Variants in USP49 observed in about 807,000 individuals in gnomAD.
USP49 encodes ubiquitin carboxyl-terminal hydrolase 49.
In USP49, 24 loss-of-function variants were observed where a neutral mutation model predicts 58.6. The ratio of observed to expected loss-of-function variants is 0.41; its 90% CI spans 0.30 to 0.58. The LOEUF (loss-of-function observed/expected upper bound fraction) is 0.58, where lower values mean the gene tolerates loss of function less well. USP49 is among the 20% of genes least tolerant of loss of function. The pLI is 0.30. For synonymous variants in USP49, 408 were observed against 365.1 expected (o/e 1.12, Z -1.34); for missense variants, 703 against 866.1 (o/e 0.81, Z 2.36).
chr6:41,839,913 A>G (rs992152638), intron 3 of USP49, among the ~76,000 whole-genome samples: 2 of 152,118 alleles, frequency 1.3e-5, no homozygotes, highest in African/African-American at 4.8e-5. Flanking sequence ...TGATGGGTGC[A>G]CCAAAATCTC....
At chr6:41,852,257 G>A (rs780274473) in intron 3 of USP49, among the ~76,000 whole-genome samples, 3 of 151,424 alleles carry the variant, frequency 2.0e-5, no homozygotes, top group East Asian at 2.0e-4. Flanking sequence ...CCCAGGAGGC[G>A]GAGGTTGCAG....
At chr6:41,831,942 T>G (rs1003779645) in intron 3 of USP49, among the ~76,000 whole-genome samples, 3 of 152,228 alleles carry the variant, frequency 2.0e-5, no homozygotes, top group Non-Finnish European at 1.5e-5. Context: ...CTTCCTCTTC[T>G]GTACTAACCC....
At chr6:41,853,458 T>A (rs1774066079) in intron 3 of USP49, among the ~76,000 whole-genome samples, 1 of 152,174 alleles carries the variant, frequency 6.6e-6, no homozygotes, top group Non-Finnish European at 1.5e-5. Flanking sequence ...TTTAGAACTG[T>A]TTCACAGCAA....
intron 3 of USP49, among the ~76,000 whole-genome samples, chr6:41,834,536 G>C (rs1397726458): frequency 6.6e-6 from 1 of 152,142 alleles, no homozygotes; most frequent in Non-Finnish European, 1.5e-5. Context: ...GGTGGGAGGT[G>C]ACTGGATCAA....
chr6:41,802,468 ATTTTTT>A (rs1773034065), intron 5 of USP49, among the ~76,000 whole-genome samples: 1 of 73,928 alleles, frequency 1.4e-5, no homozygotes, highest in African/African-American at 5.5e-5. Flanking sequence ...TTATTTATTT[ATTTTTT>A]ATTTATTTTT....
intron 2 of USP49, among the ~76,000 whole-genome samples, chr6:41,873,311 T>C (rs1774447892): frequency 6.6e-6 from 1 of 152,216 alleles, no homozygotes; most frequent in South Asian, 2.1e-4. Context: ...AATCTGCAAA[T>C]GCCCTGTGTG....
intron 2 of USP49, among the ~76,000 whole-genome samples, chr6:41,876,527 C>T (rs776058876): frequency 3.9e-5 from 6 of 152,110 alleles, no homozygotes; most frequent in Non-Finnish European, 8.8e-5. Flanking sequence ...AGTGATTCTG[C>T]CTCAGCCTTC....
intron 7 of USP49, among the ~76,000 whole-genome samples, chr6:41,797,182 G>A (rs559665952): frequency 1.7e-4 from 26 of 152,122 alleles, no homozygotes; most frequent in African/African-American, 6.0e-4. Flanking sequence ...GGATGGTCTC[G>A]ACCTCCTGAC....
chr6:41,824,296 CTA>C (rs1773500355), intron 3 of USP49, among the ~76,000 whole-genome samples: 1 of 152,014 alleles, frequency 6.6e-6, no homozygotes, highest in South Asian at 2.1e-4. Flanking sequence ...AGAAAAATCA[CTA>C]TCTTTTTAAA....
At chr6:41,856,938 C>T (rs1036399289) in intron 3 of USP49, among the ~76,000 whole-genome samples, 4 of 152,156 alleles carry the variant, frequency 2.6e-5, no homozygotes, top group African/African-American at 9.7e-5. Flanking sequence ...ATAGGGTTCA[C>T]TACTGTCCCG....
At chr6:41,867,698 G>C (rs1295911083) in intron 3 of USP49, among the ~76,000 whole-genome samples, 1 of 151,930 alleles carries the variant, frequency 6.6e-6, no homozygotes, top group Non-Finnish European at 1.5e-5. Flanking sequence ...CTTGCAGTGA[G>C]CCGAGATCAC....
At chr6:41,842,188 A>G (rs1012059325) in intron 3 of USP49, among the ~76,000 whole-genome samples, 1 of 151,896 alleles carries the variant, frequency 6.6e-6, no homozygotes, top group Non-Finnish European at 1.5e-5. Flanking sequence ...TGGTTCAAAA[A>G]TAATTATGTG....
At chr6:41,797,105 T>C (rs1303873443) in intron 7 of USP49, among the ~76,000 whole-genome samples, 1 of 151,928 alleles carries the variant, frequency 6.6e-6, no homozygotes, top group African/African-American at 2.4e-5. Context: ...GGACTACAGG[T>C]GCCCACCACC....
intron 3 of USP49, among the ~76,000 whole-genome samples, chr6:41,867,002 C>T: frequency 6.6e-6 from 1 of 152,194 alleles, no homozygotes; most frequent in East Asian, 1.9e-4. Flanking sequence ...AAAAACATCA[C>T]TGACTACCTG....
At chr6:41,840,985 A>C (rs188279285) in intron 3 of USP49, among the ~76,000 whole-genome samples, 47 of 152,014 alleles carry the variant, frequency 3.1e-4, no homozygotes, top group African/African-American at 1.0e-3. Flanking sequence ...AGCCTGGGTG[A>C]CAGAGCAAGA....
intron 3 of USP49, among the ~76,000 whole-genome samples, chr6:41,814,738 G>C (rs557080303): frequency 7.9e-5 from 12 of 152,160 alleles, no homozygotes. Flanking sequence ...AAGGACCGTA[G>C]AATAATCCTG....
intron 3 of USP49, among the ~76,000 whole-genome samples, chr6:41,825,399 T>C (rs1387316229): frequency 6.6e-6 from 1 of 151,654 alleles, no homozygotes; most frequent in African/African-American, 2.4e-5. Context: ...GTTCCGAGCC[T>C]TAAGGTTGTA....
intron 3 of USP49, among the ~76,000 whole-genome samples, chr6:41,811,930 TCTCA>T (rs1773263516): frequency 2.0e-5 from 3 of 152,310 alleles, no homozygotes; most frequent in Admixed American, 2.0e-4. Context: ...TGTTTCTCAC[TCTCA>T]CTAATTCAAT....
intron 3 of USP49, among the ~76,000 whole-genome samples, chr6:41,843,793 CAGCACTTTGGGA>C (rs1409133822): frequency 6.6e-6 from 1 of 152,016 alleles, no homozygotes; most frequent in Non-Finnish European, 1.5e-5. Flanking sequence ...CCTGTAATCT[CAGCACTTTGGGA>C]AGCTGCGGCG....
Sources: allele counts gnomAD v4.1 joint callset (sites outside exome capture counted in the v4.1 genomes callset), GRCh38; gene constraint gnomAD v4.1.1; transcripts MANE v1.5; gene names NCBI Gene and HGNC (gene_info 2026-07-23, HGNC 2026-07-21).